GPC5: variants seen among roughly 807,000 people sequenced by gnomAD.
GPC5 encodes the protein glypican 5, also known as glypican-5.
Under a neutral mutation model 53.9 loss-of-function variants are expected in GPC5, and 47 were observed. The observed-to-expected ratio is 0.87, with a 90% CI of 0.69 to 1.11. The LOEUF is 1.11. GPC5 is among the 50% of genes most tolerant of loss of function. GPC5 has a pLI of 0.00. For synonymous variants in GPC5, 286 were observed against 263.3 expected, an observed-to-expected ratio of 1.09 and a Z score of -0.84; for missense variants, 748 against 713.1, an observed-to-expected ratio of 1.05 and a Z score of -0.56.
At chr13:91,684,981 C>T (rs1342786699) in intron 2 of GPC5, among the ~76,000 whole-genome samples, 2 of 152,172 alleles carry the variant, frequency 1.3e-5, no homozygotes, top group African/African-American at 2.4e-5. Flanking sequence ...TCTGAGCCCC[C>T]TAACCACTCA....
intron 7 of GPC5, among the ~76,000 whole-genome samples, chr13:92,432,846 T>G (rs1000538671): frequency 6.6e-6 from 1 of 152,140 alleles, no homozygotes; most frequent in African/African-American, 2.4e-5. Context: ...CTTTTCCTTT[T>G]CCTTTCCTTT....
chr13:92,545,279 A>G (rs1882066732), intron 7 of GPC5, among the ~76,000 whole-genome samples: 1 of 152,162 alleles, frequency 6.6e-6, no homozygotes, highest in Admixed American at 6.5e-5. Flanking sequence ...ATAGTATTCC[A>G]TGGTGTATAT....
Position 91,572,106 on chromosome 13 carries a change from CACACATGTATATATACGTGTGTATAT to C in GPC5, c.326-121074_326-121049del, listed in dbSNP as rs1422576443. On this transcript the variant is annotated intron_variant, in intron 2 of 7. Transcript: ENST00000377067. ...GTATATGTACATGTGTGTGTATATACACACATGTATATATACGTGTGTATATACACATATGTATATATACGTGTGTA... is the reference window on the plus strand; with the variant it reads ...GTATATGTACATGTGTGTGTATATACACACATATGTATATATACGTGTGTA... Among the ~76,000 whole-genome samples the C allele has an allele frequency of 1.3e-3, 157 of 125,198 alleles. 3 individuals carry two copies. Among genetic ancestry groups the C allele is most frequent in the Middle Eastern group, 0.01 (2 of 196 alleles). 82.1% of individuals were successfully genotyped at this position (125,198 alleles called of 152,430 possible).
chr13:92,571,341 T>C (rs1391534772), intron 7 of GPC5, among the ~76,000 whole-genome samples: 1 of 152,124 alleles, frequency 6.6e-6, no homozygotes, highest in African/African-American at 2.4e-5. Flanking sequence ...CGACTTGGGG[T>C]TAAATGACTT....
intron 3 of GPC5, among the ~76,000 whole-genome samples, chr13:91,703,465 G>A (rs1043195531): frequency 1.3e-4 from 20 of 152,046 alleles, no homozygotes; most frequent in Non-Finnish European, 2.8e-4. Context: ...CTGTTAAAGT[G>A]GTATATCATG....
intron 7 of GPC5, among the ~76,000 whole-genome samples, chr13:92,712,950 CAAT>C (rs1238970445): frequency 6.6e-6 from 1 of 152,010 alleles, no homozygotes; most frequent in African/African-American, 2.4e-5. Context: ...CCAACCCTGC[CAAT>C]ACCTTGATTT....
chr13:92,352,642 T>G (rs2043488845), intron 7 of GPC5, among the ~76,000 whole-genome samples: 2 of 152,174 alleles, frequency 1.3e-5, no homozygotes, highest in Non-Finnish European at 2.9e-5. Context: ...CCAATCAAGA[T>G]AGCCCTCTGA....
rs185019254 is a variant in GPC5, at chr13:92,120,947, T to C, written c.1402-23883T>C. On this transcript the variant is annotated intron_variant, in intron 6 of 7. Coordinates refer to ENST00000377067, the MANE Select transcript of GPC5 (RefSeq NM_004466.6). ...TGTGGTAATATTATTTCCTATCCAC[T>C]AGCATACTTTTTAATCCCAACAGCA... is the stretch of plus-strand genomic sequence containing the variant. 3.4e-3 allele frequency among the ~76,000 whole-genome samples: 512 copies of C among 152,310 alleles called. 4 individuals carry two copies. The highest frequency in any genetic ancestry group is 0.012 in the African/African-American group (492 of 41,566).
At chr13:91,466,563 T>A (rs1337200487) in intron 2 of GPC5, among the ~76,000 whole-genome samples, 3 of 152,188 alleles carry the variant, frequency 2.0e-5, no homozygotes, top group African/African-American at 7.2e-5. Flanking sequence ...TTCTTCTAGC[T>A]GACCAGGAAT....
At chr13:92,121,537 T>G (rs1170453494) in intron 6 of GPC5, among the ~76,000 whole-genome samples, 1 of 152,202 alleles carries the variant, frequency 6.6e-6, no homozygotes, top group African/African-American at 2.4e-5. Context: ...GGGAGAAGTA[T>G]GTGGAAGACT....
At chr13:92,401,478 T>C (rs1875556915) in intron 7 of GPC5, among the ~76,000 whole-genome samples, 1 of 152,110 alleles carries the variant, frequency 6.6e-6, no homozygotes, top group South Asian at 2.1e-4. Context: ...CAAATTTCAA[T>C]ATTTAATTAT....
intron 2 of GPC5, among the ~76,000 whole-genome samples, chr13:91,690,522 G>C (rs1265222526): frequency 6.6e-6 from 1 of 151,976 alleles, no homozygotes; most frequent in African/African-American, 2.4e-5. Context: ...TTTTTATTTT[G>C]AATGAAAACT....
intron 7 of GPC5, among the ~76,000 whole-genome samples, chr13:92,673,076 T>C (rs1209349725): frequency 3.9e-5 from 6 of 152,076 alleles, no homozygotes; most frequent in Non-Finnish European, 5.9e-5. Context: ...AACTTTAAAG[T>C]AGCTCAATAA....
chr13:92,060,234 T>A (rs957177914), intron 6 of GPC5, among the ~76,000 whole-genome samples: 39 of 152,158 alleles, frequency 2.6e-4, no homozygotes, highest in Admixed American at 1.8e-3. Context: ...TATGTAGATA[T>A]AAATACATGA....
intron 2 of GPC5, among the ~76,000 whole-genome samples, chr13:91,450,105 G>A (rs1026528189): frequency 2.6e-5 from 4 of 152,122 alleles, no homozygotes; most frequent in Non-Finnish European, 4.4e-5. Flanking sequence ...TTAAGTTAAA[G>A]TGTAGTTCAT....
intron 7 of GPC5, among the ~76,000 whole-genome samples, chr13:92,205,050 T>C (rs531059155): frequency 9.2e-5 from 14 of 152,208 alleles, no homozygotes; most frequent in Non-Finnish European, 1.5e-5. Flanking sequence ...GGCTATTTTT[T>C]TGTATTTTTA....
chr13:91,756,198 T>C, intron 4 of GPC5, 97 bp from the exon 5 acceptor site: 1 of 857,802 alleles, frequency 1.2e-6, no homozygotes, highest in Non-Finnish European at 1.6e-6. Context: ...AATATAAAAA[T>C]TATATCCTAA....
intron 2 of GPC5, among the ~76,000 whole-genome samples, chr13:91,687,998 G>A (rs978545767): frequency 1.6e-4 from 24 of 151,864 alleles, no homozygotes; most frequent in Non-Finnish European, 3.1e-4. Flanking sequence ...TGTCTATTAC[G>A]TTTTTGGAGA....
chr13:91,410,937 C>T (rs578207558), intron 1 of GPC5, among the ~76,000 whole-genome samples: 3 of 152,036 alleles, frequency 2.0e-5, no homozygotes, highest in South Asian at 2.1e-4. Context: ...GGTGAAACCC[C>T]GTCTCTACCA....
Sources: allele counts gnomAD v4.1 joint callset (sites outside exome capture counted in the v4.1 genomes callset), GRCh38; gene constraint gnomAD v4.1.1; transcripts MANE v1.5; gene names NCBI Gene and HGNC (gene_info 2026-07-23, HGNC 2026-07-21).